GRM4: variants seen among roughly 807,000 people sequenced by gnomAD.
GRM4 encodes metabotropic glutamate receptor 4.
Under a neutral mutation model 81.7 loss-of-function variants are expected in GRM4, and 28 were observed. The ratio of observed to expected loss-of-function variants is 0.34; its 90% CI spans 0.25 to 0.47. GRM4 has a LOEUF of 0.47. GRM4 is among the 20% of genes least tolerant of loss of function. The pLI, the probability that GRM4 is intolerant of heterozygous loss-of-function variation, is 1.00. For missense variants in GRM4, 948 were observed against 1,290.0 expected, an observed-to-expected ratio of 0.73 and a Z score of 4.06; for synonymous variants, 488 against 528.8, an observed-to-expected ratio of 0.92 and a Z score of 1.06.
At position 34,067,315 on chromosome 6, in the gene GRM4, G is replaced by A. The variant is rs536026843; in HGVS notation, c.737-5287C>T. 3.4e-4 allele frequency among the ~76,000 whole-genome samples: 51 copies of A among 151,984 alleles called. 1 individual carries two copies. Among genetic ancestry groups the A allele is most frequent in the African/African-American group, 1.2e-3 (50 of 41,420 alleles). On this transcript the variant is annotated intron_variant, in intron 3 of 10. Coordinates refer to ENST00000538487, the MANE Select transcript of GRM4 (RefSeq NM_000841.4). ...CTCCCGCTGCACTTCCCAAGGTCAGGGTCAGGTCTATGTCCTTTCTTCCTT... is the reference window on the plus strand; with the variant it reads ...CTCCCGCTGCACTTCCCAAGGTCAGAGTCAGGTCTATGTCCTTTCTTCCTT...
intron 1 of GRM4, among the ~76,000 whole-genome samples, chr6:34,134,264 C>T (rs966950453): frequency 6.6e-6 from 1 of 152,180 alleles, no homozygotes; most frequent in African/African-American, 2.4e-5. Flanking sequence ...AGCAGGAGAG[C>T]ATTTTGCCTG....
chr6:34,069,456 A>G lies in GRM4; in HGVS notation c.737-7428T>C, dbSNP rs1378368623. ...GGCCCTCCCCATGCGGCTGCTCCAG[A>G]GTGAGCTGGGTGCGGGACACACGAG... On this transcript the variant is annotated intron_variant, in intron 3 of 10. Coordinates refer to ENST00000538487, the MANE Select transcript of GRM4 (RefSeq NM_000841.4). This position sits in a 1 kb window ranked among gnomAD's most constrained non-coding sequence, Gnocchi z 6.4. Among the ~76,000 whole-genome samples, 1 of 152,108 alleles carries G rather than the reference A, an allele frequency of 6.6e-6. No homozygotes were observed. Among genetic ancestry groups the G allele is most frequent in the African/African-American group, 2.4e-5 (1 of 41,412 alleles).
At chr6:34,063,494 C>A (rs1227127305) in intron 3 of GRM4, 1 of 152,478 alleles carries the variant, frequency 6.6e-6, no homozygotes, top group Non-Finnish European at 1.5e-5. Context: ...TGCCAGGCAC[C>A]CTGCTGGCCT....
intron 6 of GRM4, among the ~76,000 whole-genome samples, chr6:34,043,358 A>T (rs1350963643): frequency 6.6e-6 from 1 of 152,180 alleles, no homozygotes; most frequent in Non-Finnish European, 1.5e-5. Flanking sequence ...CCCAAAGGAC[A>T]TAGAGAAGGC....
chr6:34,030,874 G>T (rs1353139578), intron 9 of GRM4, among the ~76,000 whole-genome samples: 5 of 152,212 alleles, frequency 3.3e-5, no homozygotes, highest in Non-Finnish European at 7.4e-5. Context: ...CTCCCTCCCA[G>T]CATGGGCCCT....
upstream of GRM4, among the ~76,000 whole-genome samples, chr6:34,150,232 G>C (rs1226192356): frequency 6.6e-6 from 1 of 152,220 alleles, no homozygotes; most frequent in African/African-American, 2.4e-5. Flanking sequence ...AGCAGGCTAA[G>C]AGCAGAGAGA....
intron 3 of GRM4, chr6:34,091,570 C>T (rs1453856996): frequency 2.8e-6 from 1 of 358,668 alleles, no homozygotes; most frequent in Admixed American, 4.4e-5. Context: ...CCCCTCGTCC[C>T]CACCCCATCC....
intron 3 of GRM4, among the ~76,000 whole-genome samples, chr6:34,082,215 A>G (rs1446594673): frequency 2.0e-5 from 3 of 152,212 alleles, no homozygotes; most frequent in African/African-American, 7.2e-5. Context: ...AAGAAACAAC[A>G]GAAGAAAATG....
chr6:34,031,889 C>T (rs556240276), intron 9 of GRM4, among the ~76,000 whole-genome samples: 29 of 152,230 alleles, frequency 1.9e-4, no homozygotes, highest in African/African-American at 6.7e-4. Context: ...TATACACGTA[C>T]GTACCTGCAT....
At chr6:34,110,941 C>G (rs1769350465) in intron 2 of GRM4, 1 of 951,308 alleles carries the variant, frequency 1.1e-6, no homozygotes, top group Admixed American at 4.4e-5. Context: ...CAGCCTCTCT[C>G]CAGGGGAACG....
Position 34,022,959 on chromosome 6 carries a change from C to G in GRM4, c.2690-89G>C. 2 of 974,322 alleles carry G rather than the reference C, an allele frequency of 2.1e-6. No homozygotes were observed. Among genetic ancestry groups the G allele is most frequent in the Non-Finnish European group, 3.3e-6 (2 of 602,908 alleles). The allele number at this position is 974,322 out of a possible 1,614,324, so 60.4% of individuals were successfully genotyped here. A position where few individuals can be genotyped will look rare whatever the true frequency, so the allele number is the denominator to read the frequency against. ...ACATGGGCACAGCCCTGCACAAGAA[C>G]CTACCATAGCTCCCCGCCTCTCATG... On this transcript the variant is annotated intron_variant, in intron 10 of 10. Coordinates refer to ENST00000538487, the MANE Select transcript of GRM4 (RefSeq NM_000841.4). The surrounding 1 kb of genome is among the most constrained non-coding windows in gnomAD (Gnocchi z 5.6).
At chr6:34,065,415 G>C (rs959590828) in intron 3 of GRM4, among the ~76,000 whole-genome samples, 1 of 152,092 alleles carries the variant, frequency 6.6e-6, no homozygotes, top group Non-Finnish European at 1.5e-5. Flanking sequence ...AGAGTAGATA[G>C]AATCAAATGA....
At position 34,115,341 on chromosome 6, in the gene GRM4, G is replaced by GTTA. The variant is rs1285470685; in HGVS notation, c.519+17634_519+17636dup. Among the ~76,000 whole-genome samples the GTTA allele has an allele frequency of 6.6e-6, 1 of 152,230 alleles. No homozygotes were observed. The highest frequency in any genetic ancestry group is 1.5e-5 in the Non-Finnish European group (1 of 68,028). Reference sequence around the variant, plus strand: ...TGCTGAATTATTTATTCCCTACATTGTTAGCGCAGTAGAGAGAGCAACCGT... The same window carrying GTTA: ...TGCTGAATTATTTATTCCCTACATTGTTATTAGCGCAGTAGAGAGAGCAACCGT... On this transcript the variant is annotated intron_variant, in intron 2 of 10. Transcript: ENST00000538487. This position sits in a 1 kb window ranked among gnomAD's most constrained non-coding sequence, Gnocchi z 4.1.
intron 2 of GRM4, among the ~76,000 whole-genome samples, chr6:34,123,736 G>A (rs1338749566): frequency 6.6e-6 from 1 of 152,222 alleles, no homozygotes; most frequent in Non-Finnish European, 1.5e-5. Flanking sequence ...GGAAACGGGG[G>A]CACAGAGAGG....
At chr6:34,132,936 G>T (rs748099036) in intron 2 of GRM4, 42 bp downstream of exon 2, 2 of 1,522,018 alleles carry the variant, frequency 1.3e-6, no homozygotes, top group Non-Finnish European at 8.9e-7. Context: ...GGCAGAGTCC[G>T]TTGGGGGAAG....
intron 3 of GRM4, among the ~76,000 whole-genome samples, chr6:34,079,709 G>A (rs1767485125): frequency 6.6e-6 from 1 of 152,118 alleles, no homozygotes; most frequent in Non-Finnish European, 1.5e-5. Context: ...AGCCAGGAGT[G>A]CCGTGCCTGG....
At chr6:34,083,745 C>A (rs1461144529) in intron 3 of GRM4, among the ~76,000 whole-genome samples, 1 of 152,162 alleles carries the variant, frequency 6.6e-6, no homozygotes, top group Non-Finnish European at 1.5e-5. Context: ...ACAGAGGCCT[C>A]CCGCTTTGAA....
At chr6:34,109,411 G>A (rs1769274477) in intron 2 of GRM4, among the ~76,000 whole-genome samples, 1 of 145,626 alleles carries the variant, frequency 6.9e-6, no homozygotes, top group Non-Finnish European at 1.5e-5. Context: ...ACCAACCCAG[G>A]CCTCAGTGGG....
chr6:34,045,135 G>A (rs563882032), intron 6 of GRM4, among the ~76,000 whole-genome samples: 2 of 152,332 alleles, frequency 1.3e-5, no homozygotes, highest in South Asian at 4.1e-4. Context: ...CTCCCCTGGC[G>A]GGGTAGCGGG....
Sources: allele counts gnomAD v4.1 joint callset (sites outside exome capture counted in the v4.1 genomes callset), GRCh38; gene constraint gnomAD v4.1.1; non-coding constraint Gnocchi (gnomAD v3.1); transcripts MANE v1.5; gene names NCBI Gene and HGNC (gene_info 2026-07-23, HGNC 2026-07-21).